EPB41L3: variants seen among roughly 807,000 people sequenced by gnomAD.
The protein encoded by EPB41L3 is band 4.1-like protein 3.
EPB41L3 carries 57 observed loss-of-function variants against 127.1 expected under a neutral mutation model. The ratio of observed to expected loss-of-function variants is 0.45; its 90% CI spans 0.36 to 0.56. The LOEUF is 0.56. Ranked by LOEUF, EPB41L3 falls within the 20% of genes least tolerant of loss-of-function variation. The pLI, the probability that EPB41L3 is intolerant of heterozygous loss-of-function variation, is 0.00. For synonymous variants in EPB41L3, 572 were observed against 549.5 expected (o/e 1.04, Z -0.57); for missense variants, 1,273 against 1,372.2 (o/e 0.93, Z 1.14).
In EPB41L3 at chr18:5,627,974, C is replaced by A. The variant is rs1180519515; in HGVS notation, c.-468+948G>T. 3.3e-5 allele frequency among the ~76,000 whole-genome samples: 5 copies of A among 152,334 alleles called. No homozygotes were observed. In the South Asian group the frequency reaches 6.2e-4, roughly 19 times the overall value. On this transcript the variant is annotated intron_variant, in intron 1 of 21. Transcript: ENST00000545076. ...GAACTGTAATTGATCCAACTGGGAA[C>A]TGCCTATGGCCAGTAAGGGAAAGTG...
In EPB41L3 at chr18:5,472,702, T is replaced by C. The variant is rs79337306; in HGVS notation, c.381+5539A>G. Among the ~76,000 whole-genome samples the C allele has an allele frequency of 1.2e-3, 183 of 152,000 alleles. 2 individuals carry two copies. In the East Asian group the frequency reaches 0.031, roughly 26 times the overall value. ...CTCTGGTCAAGCACTTCTAAAGGGG[T>C]TGGAAAAAATTTAATCATGTAACCT... On this transcript the variant is annotated intron_variant, in intron 3 of 22. Coordinates refer to ENST00000341928, the MANE Select transcript of EPB41L3 (RefSeq NM_012307.5).
At chr18:5,462,256 G>A (rs2084135149) in intron 3 of EPB41L3, among the ~76,000 whole-genome samples, 1 of 152,178 alleles carries the variant, frequency 6.6e-6, no homozygotes, top group Non-Finnish European at 1.5e-5. Flanking sequence ...AACATGTAAT[G>A]TTATGGTTCT....
chr18:5,609,237 T>A (rs1035847764), intron 3 of EPB41L3, among the ~76,000 whole-genome samples: 4 of 152,200 alleles, frequency 2.6e-5, no homozygotes, highest in Non-Finnish European at 5.9e-5. Context: ...TTTCTTTTTT[T>A]AAATCAGCCA....
intron 1 of EPB41L3, among the ~76,000 whole-genome samples, chr18:5,492,820 C>CA (rs2090751844): frequency 6.6e-6 from 1 of 152,080 alleles, no homozygotes; most frequent in South Asian, 2.1e-4. Flanking sequence ...GTATGCTAGG[C>CA]AGATGGCAAG....
At chr18:5,498,835 C>T (rs1401540607) in intron 1 of EPB41L3, among the ~76,000 whole-genome samples, 1 of 152,024 alleles carries the variant, frequency 6.6e-6, no homozygotes, top group Non-Finnish European at 1.5e-5. Context: ...TTCTGTTAAC[C>T]GTAAATCACC....
At chr18:5,450,805 A>G (rs2146591470) in intron 3 of EPB41L3, among the ~76,000 whole-genome samples, 1 of 152,316 alleles carries the variant, frequency 6.6e-6, no homozygotes, top group South Asian at 2.1e-4. Flanking sequence ...AAACTATGTC[A>G]TTTGCCTGTG....
rs114670279 is a variant in EPB41L3 at position 5,462,617 on chromosome 18, G to A, written c.381+15624C>T. Among the ~76,000 whole-genome samples the A allele has an allele frequency of 7.9e-3, 1,203 of 152,224 alleles. 13 individuals carry two copies. The highest frequency in any genetic ancestry group is 0.026 in the African/African-American group (1,079 of 41,520). On this transcript the variant is annotated intron_variant, in intron 3 of 22. Transcript: ENST00000341928. ...CAGGGCAAAAATGGAAAACAGGTTC[G>A]GTGTGGGGAAGAACCCGAGGGTGGG...
At chr18:5,497,952 T>G (rs1027622091) in intron 1 of EPB41L3, among the ~76,000 whole-genome samples, 1 of 152,216 alleles carries the variant, frequency 6.6e-6, no homozygotes, top group Non-Finnish European at 1.5e-5. Context: ...CGTAAAATTT[T>G]AACGTGACTA....
intron 3 of EPB41L3, among the ~76,000 whole-genome samples, chr18:5,606,002 T>C (rs1451091806): frequency 6.6e-6 from 1 of 151,980 alleles, no homozygotes; most frequent in Non-Finnish European, 1.5e-5. Flanking sequence ...CACACACCAA[T>C]GGGCATGTGG....
chr18:5,578,106 G>C (rs975321983), intron 3 of EPB41L3, among the ~76,000 whole-genome samples: 4 of 152,180 alleles, frequency 2.6e-5, no homozygotes, highest in African/African-American at 9.7e-5. Context: ...CCAGGGTTGG[G>C]GGGGTGGCGG....
At chr18:5,556,350 A>G (rs1050178285) in intron 3 of EPB41L3, among the ~76,000 whole-genome samples, 1 of 152,212 alleles carries the variant, frequency 6.6e-6, no homozygotes, top group Non-Finnish European at 1.5e-5. Flanking sequence ...CTTTGCAAAC[A>G]TGGATTGAGC....
chr18:5,526,531 G>A (rs1470079797), intron 1 of EPB41L3, among the ~76,000 whole-genome samples: 1 of 152,146 alleles, frequency 6.6e-6, no homozygotes, highest in Non-Finnish European at 1.5e-5. Context: ...GAGACCATTC[G>A]ATTTCACCAA....
intron 3 of EPB41L3, among the ~76,000 whole-genome samples, chr18:5,609,632 A>C (rs1227169558): frequency 6.6e-6 from 1 of 152,236 alleles, no homozygotes; most frequent in African/African-American, 2.4e-5. Context: ...TGCATGACTC[A>C]TTTTATATCA....
At chr18:5,532,569 G>A (rs1180239271) in intron 1 of EPB41L3, among the ~76,000 whole-genome samples, 1 of 152,128 alleles carries the variant, frequency 6.6e-6, no homozygotes, top group African/African-American at 2.4e-5. Flanking sequence ...AAAGACATGC[G>A]TTTGACAACC....
In EPB41L3 at chr18:5,412,456, C is replaced by T. The variant is rs540428302; in HGVS notation, c.2068-1837G>A. On this transcript the variant is annotated intron_variant, in intron 13 of 22. Transcript: ENST00000341928. Reference sequence around the variant, plus strand: ...GGCCAGGCTGGTCTCAAACTCCTGACCTCAAGTGATCCGCCTGCCTCGGCC... The same window carrying T: ...GGCCAGGCTGGTCTCAAACTCCTGATCTCAAGTGATCCGCCTGCCTCGGCC... Among the ~76,000 whole-genome samples, 16 of 152,220 alleles carry T rather than the reference C, an allele frequency of 1.1e-4. No homozygotes were observed. The South Asian group carries it at 3.1e-3, about 30-fold the overall frequency.
chr18:5,564,772 T>A (rs2094176633), intron 3 of EPB41L3, among the ~76,000 whole-genome samples: 1 of 152,110 alleles, frequency 6.6e-6, no homozygotes, highest in South Asian at 2.1e-4. Context: ...CCACTCCTAC[T>A]GGACTCCCTG....
upstream of EPB41L3, among the ~76,000 whole-genome samples, chr18:5,629,220 C>G (rs1016957006): frequency 2.0e-5 from 3 of 152,004 alleles, no homozygotes; most frequent in African/African-American, 7.2e-5. Flanking sequence ...TGATTTTAAT[C>G]CTGGGATTCC....
chr18:5,408,222 A>C (rs2075729413), intron 14 of EPB41L3, among the ~76,000 whole-genome samples: 1 of 151,702 alleles, frequency 6.6e-6, no homozygotes, highest in Non-Finnish European at 1.5e-5. Flanking sequence ...TTTTACACAG[A>C]GGTTCCCACA....
intron 16 of EPB41L3, 28 bp downstream of exon 16, chr18:5,406,749 G>T (rs761477301): frequency 6.3e-7 from 1 of 1,594,212 alleles, no homozygotes; most frequent in East Asian, 2.2e-5. Flanking sequence ...AACAGAATAC[G>T]AGTCTGACCA....
Sources: allele counts gnomAD v4.1 joint callset (sites outside exome capture counted in the v4.1 genomes callset), GRCh38; gene constraint gnomAD v4.1.1; transcripts MANE v1.5; gene names NCBI Gene and HGNC (gene_info 2026-07-23, HGNC 2026-07-21).